The following CCDC51 variants were observed in gnomAD, a reference collection of about 807,000 sequenced individuals.
CCDC51 encodes mitochondrial potassium channel.
A neutral mutation model predicts 24.8 loss-of-function variants in CCDC51; 25 were observed. The observed-to-expected ratio is 1.01, with a 90% CI of 0.73 to 1.41. CCDC51 has a LOEUF of 1.41. Among genes scored for constraint, CCDC51 ranks in the 40% most tolerant of loss-of-function variants. The probability of loss-of-function intolerance (pLI) is 0.00; values close to 1 mark genes in which losing one functional copy is unlikely to be tolerated. For synonymous variants in CCDC51, 190 were observed against 204.3 expected (o/e 0.93, Z 0.60); for missense variants, 466 against 519.1 (o/e 0.90, Z 0.99).
At position 48,433,451 on chromosome 3, in the gene CCDC51, C is replaced by T. The variant is rs2039251770; in HGVS notation, c.477+256G>A. ...GTGTCCAGCACTCCCTAGGCCAGCC[C>T]CTCCATAGTTCTCCTTCCTCAGCAT... On this transcript the variant is annotated intron_variant, in intron 3 of 3. Coordinates refer to ENST00000395694, the MANE Select transcript of CCDC51 (RefSeq NM_001256964.2). The surrounding 1 kb of genome is among the most constrained non-coding windows in gnomAD (Gnocchi z 4.4). 6.6e-6 allele frequency among the ~76,000 whole-genome samples: 1 copy of T among 152,200 alleles called. No homozygotes were observed. Among genetic ancestry groups the T allele is most frequent in the Non-Finnish European group, 1.5e-5 (1 of 68,036 alleles).
intron 1 of CCDC51, among the ~76,000 whole-genome samples, chr3:48,436,196 G>A (rs934961152): frequency 1.2e-4 from 19 of 152,248 alleles, no homozygotes; most frequent in Middle Eastern, 3.4e-3. Context: ...GCGACACCTG[G>A]TGGCCAACAG....
upstream of CCDC51, chr3:48,441,152 A>G (rs1175033304): frequency 6.5e-6 from 1 of 153,096 alleles, no homozygotes; most frequent in East Asian, 1.9e-4. Flanking sequence ...AGTAGCTGGG[A>G]TTACAGGCGC....
At chr3:48,440,186 C>G (rs1412927101), upstream of CCDC51, 3 of 1,499,510 alleles carry the variant, frequency 2.0e-6, no homozygotes, top group Non-Finnish European at 2.7e-6. Flanking sequence ...AGCGAGAGTT[C>G]AACTTCCTGA....
chr3:48,446,064 C>G, the CCDC51 span, among the ~76,000 whole-genome samples: 1 of 152,080 alleles, frequency 6.6e-6, no homozygotes, highest in Non-Finnish European at 1.5e-5. Flanking sequence ...ACTTGTAGGA[C>G]AGCGCAGGTG....
chr3:48,444,098 C>G (rs1372767963), upstream of CCDC51: 1 of 383,990 alleles, frequency 2.6e-6, no homozygotes, highest in African/African-American at 2.1e-5. Flanking sequence ...CCTACCATAA[C>G]TGTGAATTTA....
chr3:48,445,044 A>C (rs2039641962), upstream of CCDC51: 2 of 152,306 alleles, frequency 1.3e-5, no homozygotes, highest in African/African-American at 2.4e-5. Flanking sequence ...GTGGTGGTGC[A>C]CTTCTGTAGT....
chr3:48,440,988 A>C (rs943165305), upstream of CCDC51: 9 of 341,100 alleles, frequency 2.6e-5, no homozygotes, highest in East Asian at 5.9e-4. Context: ...CTAGTGTTTG[A>C]ACCTTACTTG....
chr3:48,439,700 C>G (rs1201397062), intron 1 of CCDC51, among the ~76,000 whole-genome samples: 1 of 152,184 alleles, frequency 6.6e-6, no homozygotes, highest in Non-Finnish European at 1.5e-5. Flanking sequence ...CCAATGTGTA[C>G]AATTCAGTAG....
Position 48,432,235 on chromosome 3 carries a change from G to A in CCDC51, c.*173C>T. 1 of 640,588 alleles carries A rather than the reference G, an allele frequency of 1.6e-6. No homozygotes were observed. Among genetic ancestry groups the A allele is most frequent in the Non-Finnish European group, 2.6e-6 (1 of 384,072 alleles). The allele number at this position is 640,588 out of a possible 1,614,324, so 39.7% of individuals were successfully genotyped here. A position where few individuals can be genotyped will look rare whatever the true frequency, so the allele number is the denominator to read the frequency against. ...TTAGCACAAAGTTTTGATAATTAATGTAAATGAACCTTGTCTACAAAGCGA... is the reference window on the plus strand; with the variant it reads ...TTAGCACAAAGTTTTGATAATTAATATAAATGAACCTTGTCTACAAAGCGA... On this transcript the variant is annotated 3_prime_UTR_variant, in exon 4 of 4. Coordinates refer to ENST00000395694, the MANE Select transcript of CCDC51 (RefSeq NM_001256964.2).
chr3:48,445,713 T>C, the CCDC51 span, among the ~76,000 whole-genome samples: 1 of 152,224 alleles, frequency 6.6e-6, no homozygotes, highest in Non-Finnish European at 1.5e-5. Flanking sequence ...GATAGCACTC[T>C]CTTTTTCATT....
chr3:48,445,487 G>A, the CCDC51 span, among the ~76,000 whole-genome samples: 2 of 152,180 alleles, frequency 1.3e-5, no homozygotes, highest in African/African-American at 4.8e-5. Flanking sequence ...GCACCCAGCC[G>A]TATGCTGCTA....
the CCDC51 span, among the ~76,000 whole-genome samples, chr3:48,446,019 A>G: frequency 2.8e-4 from 42 of 152,228 alleles, no homozygotes; most frequent in South Asian, 7.7e-3. Flanking sequence ...CTTATGTGCC[A>G]GCCTCCTACC....
chr3:48,440,490 CG>C, upstream of CCDC51: 1 of 1,602,546 alleles, frequency 6.2e-7, no homozygotes, highest in Non-Finnish European at 8.5e-7. Context: ...CTGGCGGGTG[CG>C]GGGGCGCTGG....
At chr3:48,443,809 C>A, upstream of CCDC51, 1 of 1,534,562 alleles carries the variant, frequency 6.5e-7, no homozygotes. Context: ...ACCGTAAGAA[C>A]TATATTTTTC....
rs1376252990 is a variant in CCDC51 at position 48,433,908 on chromosome 3, C to G, written c.313-37G>C. ...AAACCGGAGGCCATCTGCACCTTCT[C>G]TCCACACCCACACAGGCTCAGCTGC... is the stretch of plus-strand genomic sequence containing the variant. On this transcript the variant is annotated intron_variant, in intron 2 of 3. Coordinates refer to ENST00000395694, the MANE Select transcript of CCDC51 (RefSeq NM_001256964.2). This position sits in a 1 kb window ranked among gnomAD's most constrained non-coding sequence, Gnocchi z 4.4. The G allele has an allele frequency of 1.9e-6, 3 of 1,598,872 alleles. No individual in the cohort carries two copies. The highest frequency in any genetic ancestry group is 4.5e-5 in the East Asian group (2 of 44,698).
At chr3:48,442,452 C>CTT (rs904695197), upstream of CCDC51, among the ~76,000 whole-genome samples, 1,465 of 130,714 alleles carry the variant, frequency 0.011, 37 homozygotes, top group African/African-American at 0.039. Flanking sequence ...TAACCCTACA[C>CTT]TTTTTTTTTT....
intron 1 of CCDC51, among the ~76,000 whole-genome samples, chr3:48,438,522 C>A (rs886284564): frequency 6.6e-6 from 1 of 152,096 alleles, no homozygotes; most frequent in African/African-American, 2.4e-5. Flanking sequence ...TTCAAATATT[C>A]AGATCAACAA....
chr3:48,440,181 G>C (rs1471962680), upstream of CCDC51: 9 of 1,491,386 alleles, frequency 6.0e-6, no homozygotes, highest in South Asian at 5.4e-5. Context: ...CCGGTAGCGA[G>C]AGTTCAACTT....
chr3:48,441,584 G>C (rs1364532076), upstream of CCDC51, among the ~76,000 whole-genome samples: 1 of 151,702 alleles, frequency 6.6e-6, no homozygotes, highest in Non-Finnish European at 1.5e-5. Context: ...AAAAGATAAA[G>C]TCCAGGCTCT....
Sources: gnomAD v4.1 joint callset for allele counts (sites outside exome capture counted in the v4.1 genomes callset) on GRCh38, gnomAD v4.1.1 for gene constraint, Gnocchi (gnomAD v3.1) non-coding constraint, MANE v1.5 for transcripts, NCBI Gene and HGNC (gene_info 2026-07-23, HGNC 2026-07-21) for gene names.